CD200R1: variants seen among roughly 807,000 people sequenced by gnomAD.
CD200R1 encodes CD200 receptor 1, also known as cell surface glycoprotein CD200 receptor 1.
A neutral mutation model predicts 38.1 loss-of-function variants in CD200R1; 30 were observed. The ratio of observed to expected loss-of-function variants is 0.79; its 90% CI spans 0.59 to 1.07. The LOEUF is 1.07. Among genes scored for constraint, CD200R1 ranks in the 50% least tolerant of loss-of-function variants. The pLI is 0.00. For missense variants in CD200R1, 372 were observed against 415.4 expected, an observed-to-expected ratio of 0.90 and a Z score of 0.91; for synonymous variants, 128 against 152.1, an observed-to-expected ratio of 0.84 and a Z score of 1.16.
At chr3:112,943,139 C>T (rs959761187) in intron 2 of CD200R1, among the ~76,000 whole-genome samples, 2 of 151,742 alleles carry the variant, frequency 1.3e-5, no homozygotes, top group African/African-American at 4.8e-5. Flanking sequence ...GTATAACTGA[C>T]ATCTATAGAT....
intron 1 of CD200R1, among the ~76,000 whole-genome samples, chr3:112,949,791 A>T (rs923540412): frequency 1.3e-5 from 2 of 152,228 alleles, no homozygotes; most frequent in Non-Finnish European, 2.9e-5. Flanking sequence ...TAAAATCAGG[A>T]TTACAAAGGC....
intron 6 of CD200R1, 98 bp from the exon 7 acceptor site, chr3:112,924,633 ATT>A: frequency 1.4e-6 from 1 of 691,746 alleles, no homozygotes; most frequent in Non-Finnish European, 2.0e-6. Flanking sequence ...ATTGTGTTTA[ATT>A]TTGATAGAAG....
chr3:112,939,209 G>C (rs1222820832), intron 2 of CD200R1, among the ~76,000 whole-genome samples: 2 of 151,754 alleles, frequency 1.3e-5, no homozygotes, highest in African/African-American at 2.4e-5. Flanking sequence ...ATTAGAAGAA[G>C]AATTAGAAGA....
chr3:112,969,289 C>G lies in CD200R1; in HGVS notation c.67+5502G>C, dbSNP rs1576156703. Among the ~76,000 whole-genome samples, 3 of 151,918 alleles carry G rather than the reference C, an allele frequency of 2.0e-5. No homozygotes were observed. The South Asian group carries it at 6.2e-4, about 32-fold the overall frequency. On this transcript the variant is annotated intron_variant, in intron 1 of 7. Transcript: ENST00000308611. ...TTATTCAATCAAAAGAACAGAGAGA[C>G]AAGATATTGGGGAAAATATGTATAA...
chr3:112,931,753 C>T (rs1408615246), intron 2 of CD200R1, among the ~76,000 whole-genome samples: 1 of 151,988 alleles, frequency 6.6e-6, no homozygotes, highest in East Asian at 1.9e-4. Flanking sequence ...TGCACATCTC[C>T]TCCAAAAGAA....
At chr3:112,928,713 G>A in intron 5 of CD200R1, 103 bp downstream of exon 5, 1 of 837,106 alleles carries the variant, frequency 1.2e-6, no homozygotes, top group Non-Finnish European at 1.8e-6. Context: ...ATGAAGAGTG[G>A]GGAGAGCATC....
At position 112,922,180 on chromosome 3, in the gene CD200R1, ATATACT is replaced by A. The variant is rs771752499; in HGVS notation, c.*1491_*1496del. 14 of 152,018 alleles carry A rather than the reference ATATACT, an allele frequency of 9.2e-5. No individual in the cohort carries two copies. Among genetic ancestry groups the A allele is most frequent in the Non-Finnish European group, 1.6e-4 (11 of 67,956 alleles). 9.4% of individuals were successfully genotyped at this position (152,018 alleles called of 1,614,324 possible). A position where few individuals can be genotyped will look rare whatever the true frequency, so the allele number is the denominator to read the frequency against. The stretch of plus-strand genomic sequence containing the variant: ...AACTGAAATGTCTAGAGGGAGAAAA[ATATACT>A]TATAAGACAAAATAGCTGTCTTAAA... On this transcript the variant is annotated 3_prime_UTR_variant, in exon 8 of 8. Coordinates refer to ENST00000308611, the MANE Select transcript of CD200R1 (RefSeq NM_138806.4).
chr3:112,932,853 C>A (rs758590827), intron 2 of CD200R1, among the ~76,000 whole-genome samples: 1 of 152,026 alleles, frequency 6.6e-6, no homozygotes, highest in African/African-American at 2.4e-5. Flanking sequence ...GCAAATATAA[C>A]CCCAGGCCTA....
chr3:112,969,273 C>A (rs928863510), intron 1 of CD200R1, among the ~76,000 whole-genome samples: 3 of 151,910 alleles, frequency 2.0e-5, no homozygotes, highest in Admixed American at 6.5e-5. Context: ...ATTATTCAAT[C>A]AAAAGAACAG....
intron 5 of CD200R1, among the ~76,000 whole-genome samples, chr3:112,926,526 G>A (rs927981876): frequency 2.0e-5 from 3 of 152,120 alleles, no homozygotes; most frequent in African/African-American, 7.2e-5. Context: ...GATCCCTGCT[G>A]TACATAGGAA....
chr3:112,941,318 C>T (rs558337778), intron 2 of CD200R1, among the ~76,000 whole-genome samples: 1 of 151,788 alleles, frequency 6.6e-6, no homozygotes, highest in East Asian at 1.9e-4. Flanking sequence ...ATGTTCCCAA[C>T]ACAAGGAAAT....
intron 3 of CD200R1, among the ~76,000 whole-genome samples, chr3:112,930,143 A>G (rs907771289): frequency 6.6e-6 from 1 of 151,766 alleles, no homozygotes; most frequent in Non-Finnish European, 1.5e-5. Flanking sequence ...TTATTCCACC[A>G]GTTGAGCCAT....
chr3:112,931,093 G>A lies in CD200R1; in HGVS notation c.202+13C>T, dbSNP rs1192359325. 1.3e-6 allele frequency: 2 copies of A among 1,594,442 alleles called. No homozygotes were observed. The highest frequency in any genetic ancestry group is 3.3e-5 in the Admixed American group (2 of 59,968). On this transcript the variant is annotated intron_variant, in intron 3 of 7. Transcript: ENST00000308611. ...ATCCCTAGGTGCTGGCCACTAGTAAGGAAGCATATTACCTTCTGCGAGTAC... is the reference window on the plus strand; with the variant it reads ...ATCCCTAGGTGCTGGCCACTAGTAAAGAAGCATATTACCTTCTGCGAGTAC...
rs578065610 is a variant in CD200R1, at chr3:112,938,749, C to T, written c.137-7578G>A. ...ATTCCAAAAAATTGAATGTAAAACT[C>T]ATTTGAATGTCATCGAATGTCAAAA... is the stretch of plus-strand genomic sequence containing the variant. On this transcript the variant is annotated intron_variant, in intron 2 of 7. Transcript: ENST00000308611. Among the ~76,000 whole-genome samples the T allele has an allele frequency of 1.3e-3, 201 of 152,146 alleles. 9 individuals carry two copies. The South Asian group carries it at 0.04, about 31-fold the overall frequency.
At chr3:112,944,223 A>G (rs886752100) in intron 2 of CD200R1, among the ~76,000 whole-genome samples, 2 of 152,078 alleles carry the variant, frequency 1.3e-5, no homozygotes, top group African/African-American at 4.8e-5. Flanking sequence ...TCTCATAAAC[A>G]TACATTTTTA....
At chr3:112,969,641 AT>A (rs994379302) in intron 1 of CD200R1, among the ~76,000 whole-genome samples, 1 of 152,172 alleles carries the variant, frequency 6.6e-6, no homozygotes, top group Non-Finnish European at 1.5e-5. Context: ...AGATGGAGTT[AT>A]AAAGGAACAG....
At chr3:112,930,549 TGTCAGTGACTTGGTAAGG>T (rs1186970016) in intron 3 of CD200R1, among the ~76,000 whole-genome samples, 2 of 152,242 alleles carry the variant, frequency 1.3e-5, no homozygotes, top group Non-Finnish European at 2.9e-5. Context: ...CGACACAATG[TGTCAGTGACTTGGTAAGG>T]GTTTACTGAG....
chr3:112,958,661 A>C (rs1932922895), intron 1 of CD200R1, among the ~76,000 whole-genome samples: 1 of 152,176 alleles, frequency 6.6e-6, no homozygotes, highest in Admixed American at 6.5e-5. Flanking sequence ...GGAGATAACT[A>C]AAAACAGCAT....
chr3:112,929,116 T>C, intron 4 of CD200R1, 52 bp from the exon 5 acceptor site: 3 of 1,612,394 alleles, frequency 1.9e-6, no homozygotes, highest in Non-Finnish European at 2.5e-6. Flanking sequence ...ATAAAGCATA[T>C]GGAATTCAGA....
Sources: gnomAD v4.1 joint callset for allele counts (sites outside exome capture counted in the v4.1 genomes callset) on GRCh38, gnomAD v4.1.1 for gene constraint, MANE v1.5 for transcripts, NCBI Gene and HGNC (gene_info 2026-07-23, HGNC 2026-07-21) for gene names.